The following SYNPR variants were observed in gnomAD, a reference collection of about 807,000 sequenced individuals.
SYNPR encodes the protein synaptoporin.
SYNPR carries 23 observed loss-of-function variants against 32.9 expected under a neutral mutation model. The observed-to-expected ratio is 0.70, with a 90% confidence interval of 0.50 to 0.99. The LOEUF (loss-of-function observed/expected upper bound fraction) is 0.99. Ranked by LOEUF, SYNPR falls within the 50% of genes least tolerant of loss-of-function variation. The pLI, the probability that SYNPR is intolerant of heterozygous loss-of-function variation, is 0.00. For missense variants in SYNPR, 318 were observed against 349.3 expected (o/e 0.91, Z 0.71); for synonymous variants, 146 against 135.9 (o/e 1.07, Z -0.52).
At chr3:63,576,655 G>A (rs916725088) in intron 4 of SYNPR, among the ~76,000 whole-genome samples, 6 of 151,888 alleles carry the variant, frequency 4.0e-5, no homozygotes, top group African/African-American at 1.2e-4. Context: ...GCTGGGCATG[G>A]TAGCACGTGC....
At chr3:63,312,296 C>G (rs2086974257) in intron 2 of SYNPR, among the ~76,000 whole-genome samples, 1 of 151,990 alleles carries the variant, frequency 6.6e-6, no homozygotes, top group Admixed American at 6.6e-5. Context: ...ACTTGCAGTT[C>G]TATAACCTGC....
intron 2 of SYNPR, among the ~76,000 whole-genome samples, chr3:63,255,881 C>T (rs1381526361): frequency 6.6e-6 from 1 of 152,204 alleles, no homozygotes; most frequent in African/African-American, 2.4e-5. Context: ...TAATACTGCA[C>T]TTTTCCAATG....
chr3:63,291,713 A>T (rs1560181405), intron 2 of SYNPR, among the ~76,000 whole-genome samples: 1 of 152,186 alleles, frequency 6.6e-6, no homozygotes, highest in Admixed American at 6.5e-5. Context: ...GGTGAAAAAA[A>T]AAGAATGTTT....
intron 2 of SYNPR, among the ~76,000 whole-genome samples, chr3:63,335,064 G>T (rs2087271248): frequency 6.6e-6 from 1 of 152,142 alleles, no homozygotes; most frequent in Non-Finnish European, 1.5e-5. Flanking sequence ...GCCATTAAAA[G>T]AAATGGCAGG....
At chr3:63,339,613 C>G (rs980158878) in intron 2 of SYNPR, among the ~76,000 whole-genome samples, 2 of 151,412 alleles carry the variant, frequency 1.3e-5, no homozygotes, top group African/African-American at 4.9e-5. Context: ...TTCATGTATT[C>G]ACCACTATAA....
intron 2 of SYNPR, among the ~76,000 whole-genome samples, chr3:63,425,290 T>G (rs17068548): frequency 0.14 from 21,148 of 152,164 alleles, 1,576 homozygotes; most frequent in Middle Eastern, 0.17. Flanking sequence ...AGTAGTCAGC[T>G]GATTGGTGGT....
At chr3:63,342,695 A>G (rs1463696324) in intron 2 of SYNPR, among the ~76,000 whole-genome samples, 1 of 152,168 alleles carries the variant, frequency 6.6e-6, no homozygotes, top group Non-Finnish European at 1.5e-5. Flanking sequence ...ATTGATGGTA[A>G]TTATTTTTTA....
chr3:63,281,946 G>T (rs1394997948), intron 2 of SYNPR, among the ~76,000 whole-genome samples: 1 of 152,202 alleles, frequency 6.6e-6, no homozygotes, highest in Non-Finnish European at 1.5e-5. Context: ...ACTTTGGGAG[G>T]CTGAGATGGG....
upstream of SYNPR, among the ~76,000 whole-genome samples, chr3:63,274,626 G>A (rs1487285766): frequency 1.3e-5 from 2 of 152,188 alleles, no homozygotes; most frequent in Non-Finnish European, 2.9e-5. Flanking sequence ...GGGAAGACAG[G>A]AAACTTGGCA....
chr3:63,520,396 C>T lies in SYNPR; in HGVS notation c.210-36147C>T, dbSNP rs150019986. Among the ~76,000 whole-genome samples the T allele has an allele frequency of 1.9e-3, 282 of 152,256 alleles. 1 individual carries two copies. The highest frequency in any genetic ancestry group is 6.4e-3 in the African/African-American group (266 of 41,554). ...ACACACCATTATCAGGGTAATCGGC[C>T]GGGTGCGGTGGCTCACGCCTGTAAT... On this transcript the variant is annotated intron_variant, in intron 3 of 5. Transcript: ENST00000478300.
intron 2 of SYNPR, 96 bp downstream of exon 2, chr3:63,278,838 A>G: frequency 1.5e-6 from 2 of 1,334,074 alleles, no homozygotes; most frequent in East Asian, 2.6e-5. Context: ...TTCTGCTCCA[A>G]GCCGGAGATT....
intron 2 of SYNPR, among the ~76,000 whole-genome samples, chr3:63,253,064 T>C (rs984817377): frequency 6.6e-6 from 1 of 151,400 alleles, no homozygotes; most frequent in Non-Finnish European, 1.5e-5. Context: ...AAAAGAATAG[T>C]TCCATTTTTC....
At chr3:63,553,090 T>C (rs560211691) in intron 3 of SYNPR, among the ~76,000 whole-genome samples, 2 of 152,286 alleles carry the variant, frequency 1.3e-5, no homozygotes, top group South Asian at 4.1e-4. Context: ...CCATGTCCTC[T>C]TGCCTCCCTA....
intron 4 of SYNPR, among the ~76,000 whole-genome samples, chr3:63,573,929 A>T (rs1004603361): frequency 6.6e-6 from 1 of 152,210 alleles, no homozygotes; most frequent in African/African-American, 2.4e-5. Context: ...TCAAGCTACC[A>T]GGTGGGCCCA....
chr3:63,428,956 C>A (rs1575639024), intron 2 of SYNPR, among the ~76,000 whole-genome samples: 1 of 152,226 alleles, frequency 6.6e-6, no homozygotes, highest in African/African-American at 2.4e-5. Context: ...GCCACAAAGT[C>A]ACATAGAATG....
At chr3:63,513,626 A>G (rs1267559401) in intron 3 of SYNPR, among the ~76,000 whole-genome samples, 1 of 152,094 alleles carries the variant, frequency 6.6e-6, no homozygotes, top group Non-Finnish European at 1.5e-5. Context: ...ATTGTTCAAC[A>G]TAGGTAATTT....
At chr3:63,417,009 C>A (rs1379158636) in intron 2 of SYNPR, among the ~76,000 whole-genome samples, 1 of 152,130 alleles carries the variant, frequency 6.6e-6, no homozygotes, top group Non-Finnish European at 1.5e-5. Context: ...CCCAACAGTC[C>A]CCCAAAGGCT....
Position 63,383,042 on chromosome 3 carries a change from G to A in SYNPR, c.85-97790G>A, listed in dbSNP as rs181454531. On this transcript the variant is annotated intron_variant, in intron 2 of 5. Coordinates refer to ENST00000478300, the MANE Select transcript of SYNPR (RefSeq NM_001130003.2). ...ACAAGATTATTTTATGGAAAGTGTT[G>A]TAGAGATCTTCACACTAGGAGATGC... 1.4e-4 allele frequency among the ~76,000 whole-genome samples: 22 copies of A among 152,094 alleles called. 1 individual carries two copies. Among genetic ancestry groups the A allele is most frequent in the Admixed American group, 1.2e-3 (19 of 15,256 alleles).
chr3:63,229,663 C>T (rs547461046), intron 1 of SYNPR, among the ~76,000 whole-genome samples: 135 of 152,244 alleles, frequency 8.9e-4, no homozygotes, highest in African/African-American at 3.1e-3. Flanking sequence ...GTTTATGAGA[C>T]TCTAATCTTT....
Sources: gnomAD v4.1 joint callset for allele counts (sites outside exome capture counted in the v4.1 genomes callset) on GRCh38, gnomAD v4.1.1 for gene constraint, MANE v1.5 for transcripts, NCBI Gene and HGNC (gene_info 2026-07-23, HGNC 2026-07-21) for gene names.